SRGAP2C: variants seen among roughly 807,000 people sequenced by gnomAD.
The protein encoded by SRGAP2C is SLIT-ROBO Rho GTPase activating protein 2C.
In SRGAP2C, 15 loss-of-function variants were observed where a neutral mutation model predicts 25.1. The ratio of observed to expected loss-of-function variants is 0.60; its 90% CI spans 0.40 to 0.92. The LOEUF (loss-of-function observed/expected upper bound fraction) is 0.92. Among genes scored for constraint, SRGAP2C ranks in the 40% least tolerant of loss-of-function variants. SRGAP2C has a pLI of 0.00. For synonymous variants in SRGAP2C, 44 were observed against 96.6 expected (o/e 0.46, Z 3.19); for missense variants, 144 against 264.4 (o/e 0.54, Z 3.16).
At chr1:121,201,594 C>T (rs587642465) in intron 2 of SRGAP2C, among the ~76,000 whole-genome samples, 35 of 152,332 alleles carry the variant, frequency 2.3e-4, no homozygotes, top group African/African-American at 4.1e-4. Context: ...CGCGTGTGCG[C>T]GCACGCACAC....
rs1406009771 is a variant in SRGAP2C at position 121,338,431 on chromosome 1, C to G, written c.423+13791C>G. ...AGTTTTCCTCCTTTTGACACGGCGT[C>G]TTCAGTTTTTTTTCATTTTCATCTT... On this transcript the variant is annotated intron_variant, in intron 4 of 9. Coordinates refer to ENST00000367123, the MANE Select transcript of SRGAP2C (RefSeq NM_001329984.2). Among the ~76,000 whole-genome samples, 2 of 22,982 alleles carry G rather than the reference C, an allele frequency of 8.7e-5. 1 individual carries two copies. 15.1% of individuals were successfully genotyped at this position (22,982 alleles called of 152,430 possible).
At chr1:121,302,513 CATG>C (rs1189220387) in intron 3 of SRGAP2C, among the ~76,000 whole-genome samples, 1 of 120,288 alleles carries the variant, frequency 8.3e-6, no homozygotes, top group African/African-American at 3.2e-5. Context: ...AAATTGCAGA[CATG>C]ATGACCTTTT....
intron 3 of SRGAP2C, among the ~76,000 whole-genome samples, chr1:121,308,634 C>T (rs1430437648): frequency 2.6e-5 from 4 of 151,820 alleles, no homozygotes; most frequent in Non-Finnish European, 4.4e-5. Context: ...TAGCAAGACC[C>T]CATCTCTGCA....
At chr1:121,329,699 G>T (rs1371499637) in intron 4 of SRGAP2C, among the ~76,000 whole-genome samples, 2 of 148,442 alleles carry the variant, frequency 1.3e-5, no homozygotes, top group Non-Finnish European at 3.0e-5. Context: ...ACCCCCTTAA[G>T]GGAGGCTCCT....
intron 5 of SRGAP2C, among the ~76,000 whole-genome samples, chr1:121,372,781 A>T (rs1480867700): frequency 1.4e-5 from 1 of 73,320 alleles, no homozygotes; most frequent in Non-Finnish European, 2.6e-5. Context: ...TAAGAATTAA[A>T]TGAGGTAATG....
rs1275684330 is a variant in SRGAP2C at position 121,336,029 on chromosome 1, G to A, written c.423+11389G>A. On this transcript the variant is annotated intron_variant, in intron 4 of 9. Transcript: ENST00000367123. ...TGGGTATATTTTGGTTTTGCCCTTC[G>A]TCTTAGAAAATACTGTATACTTAAG... Among the ~76,000 whole-genome samples, 33 of 151,154 alleles carry A rather than the reference G, an allele frequency of 2.2e-4. No individual in the cohort carries two copies. The South Asian group carries it at 2.7e-3, about 12-fold the overall frequency.
At chr1:121,236,599 A>G (rs1157607570) in intron 2 of SRGAP2C, among the ~76,000 whole-genome samples, 1 of 152,106 alleles carries the variant, frequency 6.6e-6, no homozygotes, top group Non-Finnish European at 1.5e-5. Flanking sequence ...TCAAGATCTT[A>G]TCTGGTCTTT....
At chr1:121,277,441 C>A (rs1340267510) in intron 2 of SRGAP2C, among the ~76,000 whole-genome samples, 1 of 150,888 alleles carries the variant, frequency 6.6e-6, no homozygotes, top group Non-Finnish European at 1.5e-5. Flanking sequence ...GAGATGAGGT[C>A]TTGCTATGTT....
intron 2 of SRGAP2C, among the ~76,000 whole-genome samples, chr1:121,240,475 G>A (rs1301979578): frequency 2.0e-5 from 3 of 150,404 alleles, no homozygotes; most frequent in Non-Finnish European, 1.5e-5. Flanking sequence ...TTCTGGAGTC[G>A]TTAGCTAGTG....
At chr1:121,201,406 T>C (rs1373191377) in intron 2 of SRGAP2C, among the ~76,000 whole-genome samples, 2 of 149,414 alleles carry the variant, frequency 1.3e-5, no homozygotes, top group African/African-American at 2.5e-5. Context: ...ATGAGCTTTC[T>C]TTTGCTGTTT....
chr1:121,303,747 T>G (rs1657752371), intron 3 of SRGAP2C, among the ~76,000 whole-genome samples: 2 of 151,652 alleles, frequency 1.3e-5, no homozygotes, highest in African/African-American at 2.4e-5. Flanking sequence ...TTAAAGCCTA[T>G]GAGATCATAT....
At chr1:121,318,169 A>AT (rs1658129167) in intron 3 of SRGAP2C, among the ~76,000 whole-genome samples, 1 of 30,768 alleles carries the variant, frequency 3.3e-5, no homozygotes, top group African/African-American at 1.8e-4. Context: ...TACCTTGGTG[A>AT]TTTTTACCCC....
chr1:121,347,815 A>G (rs1658787061), intron 4 of SRGAP2C, among the ~76,000 whole-genome samples: 1 of 151,024 alleles, frequency 6.6e-6, no homozygotes, highest in African/African-American at 2.4e-5. Flanking sequence ...GCAGCTCCAC[A>G]CATGCCAGAG....
intron 3 of SRGAP2C, among the ~76,000 whole-genome samples, chr1:121,315,487 T>G (rs1553340524): frequency 6.6e-6 from 1 of 151,150 alleles, no homozygotes; most frequent in Non-Finnish European, 1.5e-5. Flanking sequence ...CCAGATTCCT[T>G]AAGGACCTGA....
At chr1:121,223,323 A>T (rs1406171277) in intron 2 of SRGAP2C, among the ~76,000 whole-genome samples, 3 of 124,104 alleles carry the variant, frequency 2.4e-5, no homozygotes, top group South Asian at 2.7e-4. Context: ...CTTTTTTATT[A>T]TTATTATTTT....
At chr1:121,336,007 G>C (rs1214583832) in intron 4 of SRGAP2C, among the ~76,000 whole-genome samples, 2 of 150,644 alleles carry the variant, frequency 1.3e-5, no homozygotes, top group Non-Finnish European at 1.5e-5. Context: ...ATTACAGTGG[G>C]TATATTTTGG....
intron 2 of SRGAP2C, among the ~76,000 whole-genome samples, chr1:121,283,748 G>T (rs1353524914): frequency 2.6e-5 from 4 of 151,314 alleles, no homozygotes; most frequent in East Asian, 2.0e-4. Context: ...TGGGGATTGG[G>T]ACATAACTTC....
intron 5 of SRGAP2C, among the ~76,000 whole-genome samples, chr1:121,370,439 CTTTTTTTTTTTT>C (rs201539761): frequency 1.5e-4 from 12 of 81,782 alleles, no homozygotes; most frequent in African/African-American, 3.7e-4. Flanking sequence ...CTCAGACTTC[CTTTTTTTTTTTT>C]TTTTTTTTGA....
chr1:121,379,058 G>A (rs1659744680), intron 7 of SRGAP2C, among the ~76,000 whole-genome samples: 1 of 152,150 alleles, frequency 6.6e-6, no homozygotes, highest in South Asian at 2.1e-4. Flanking sequence ...GAAGAACAGG[G>A]CATTGTCCTC....
Sources: allele counts gnomAD v4.1 joint callset (sites outside exome capture counted in the v4.1 genomes callset), GRCh38; gene constraint gnomAD v4.1.1; transcripts MANE v1.5; gene names NCBI Gene and HGNC (gene_info 2026-07-23, HGNC 2026-07-21).